TRAPPC3: variants seen among roughly 807,000 people sequenced by gnomAD.
TRAPPC3 encodes the protein trafficking protein particle complex subunit 3.
TRAPPC3 carries 5 observed loss-of-function variants against 18.2 expected under a neutral mutation model. That is an observed-to-expected ratio of 0.28 (90% CI 0.14 to 0.58). The LOEUF is 0.58. Among genes scored for constraint, TRAPPC3 ranks in the 20% least tolerant of loss-of-function variants. TRAPPC3 has a pLI of 0.91. For missense variants in TRAPPC3, 176 were observed against 225.9 expected, an observed-to-expected ratio of 0.78 and a Z score of 1.41; for synonymous variants, 65 against 84.2, an observed-to-expected ratio of 0.77 and a Z score of 1.25.
At chr1:36,140,189 T>G in intron 1 of TRAPPC3, 23 bp from the exon 2 acceptor site, 1 of 1,504,908 alleles carries the variant, frequency 6.6e-7, no homozygotes, top group Non-Finnish European at 9.0e-7. Flanking sequence ...CAAAAGGCAG[T>G]CAGGACCAAG....
At chr1:36,137,643 C>T (rs532662953) in intron 4 of TRAPPC3, 153 bp downstream of exon 4, 351 of 825,908 alleles carry the variant, frequency 4.2e-4, no homozygotes, top group Non-Finnish European at 6.2e-4. Flanking sequence ...TAAAGATGTC[C>T]GACTTGGATC....
At chr1:36,138,560 G>A (rs1644059684) in intron 3 of TRAPPC3, among the ~76,000 whole-genome samples, 1 of 152,120 alleles carries the variant, frequency 6.6e-6, no homozygotes, top group South Asian at 2.1e-4. Flanking sequence ...AAAGTTATGG[G>A]TGCTATGTCA....
At chr1:36,144,063 G>A (rs569631462) in intron 1 of TRAPPC3, among the ~76,000 whole-genome samples, 4 of 151,966 alleles carry the variant, frequency 2.6e-5, no homozygotes, top group South Asian at 2.1e-4. Context: ...CGAGGCGGGC[G>A]GATCACCTGA....
chr1:36,137,688 G>T, intron 4 of TRAPPC3, 108 bp downstream of exon 4: 1 of 1,183,420 alleles, frequency 8.5e-7, no homozygotes, highest in Non-Finnish European at 1.2e-6. Flanking sequence ...AGGCAGTAAA[G>T]CGCTGGGGTG....
At chr1:36,154,595 G>A (rs1644300056) in intron 1 of TRAPPC3, among the ~76,000 whole-genome samples, 1 of 152,072 alleles carries the variant, frequency 6.6e-6, no homozygotes, top group Admixed American at 6.5e-5. Flanking sequence ...TAAGATGACT[G>A]ACACAAAGAT....
Position 36,136,883 on chromosome 1 carries a change from G to A in TRAPPC3, c.*320C>T, listed in dbSNP as rs1644032984. ...GATGTGCCAGGCTTGCCTCTTAATG[G>A]GGTCAAAGTGAGTTTTGCTTTGGAA... On this transcript the variant is annotated 3_prime_UTR_variant, in exon 5 of 5. Coordinates refer to ENST00000373166, the MANE Select transcript of TRAPPC3 (RefSeq NM_014408.5). The A allele has an allele frequency of 5.2e-6, 1 of 191,870 alleles. No homozygotes were observed. Among genetic ancestry groups the A allele is most frequent in the African/African-American group, 2.3e-5 (1 of 42,892 alleles). The allele number at this position is 191,870 out of a possible 1,614,324, so 11.9% of individuals were successfully genotyped here. A position where few individuals can be genotyped will look rare whatever the true frequency, so the allele number is the denominator to read the frequency against.
intron 3 of TRAPPC3, among the ~76,000 whole-genome samples, chr1:36,139,197 TAC>T (rs1644070271): frequency 6.8e-6 from 1 of 146,492 alleles, no homozygotes; most frequent in African/African-American, 2.6e-5. Context: ...CTTGCTCTGT[TAC>T]CCAGGATGGA....
At chr1:36,149,174 C>T (rs1644244450) in intron 1 of TRAPPC3, 163 bp downstream of exon 1, 22 of 1,481,712 alleles carry the variant, frequency 1.5e-5, no homozygotes, top group Non-Finnish European at 2.0e-5. Flanking sequence ...CGACGGTCCC[C>T]TCACCTGCCT....
chr1:36,151,704 C>A (rs1471327904), upstream of TRAPPC3, among the ~76,000 whole-genome samples: 1 of 152,202 alleles, frequency 6.6e-6, no homozygotes, highest in Admixed American at 6.5e-5. Flanking sequence ...ACCCTCCTTA[C>A]CACTTCTAGG....
rs1259740746 is a variant in TRAPPC3 at position 36,149,351 on chromosome 1, C to T, written c.28G>A (p.Glu10Lys). Residue 10 changes from glutamate to lysine, a missense_variant, in exon 1 of 5, where the codon GAG (glutamate) becomes AAG (lysine). Coordinates refer to ENST00000373166, the MANE Select transcript of TRAPPC3 (RefSeq NM_014408.5). Reference sequence around the variant, plus strand: ...CTCCAAGTTACCATTTTCTTGCTCTCGGTGCCACGGTTCGCCTGCCTCGAC... The same window carrying T: ...CTCCAAGTTACCATTTTCTTGCTCTTGGTGCCACGGTTCGCCTGCCTCGAC... MSRQANRGT[E>K]SKKMSSELFT... 3.1e-6 allele frequency: 5 copies of T among 1,613,346 alleles called. No homozygotes were observed. The highest frequency in any genetic ancestry group is 1.7e-6 in the Non-Finnish European group (2 of 1,179,796).
intron 1 of TRAPPC3, among the ~76,000 whole-genome samples, chr1:36,154,569 C>T (rs966183792): frequency 6.6e-6 from 1 of 152,192 alleles, no homozygotes; most frequent in South Asian, 2.1e-4. Flanking sequence ...TCCCCGCAGT[C>T]CCCCCACCCT....
upstream of TRAPPC3, chr1:36,149,504 C>G: frequency 7.9e-7 from 1 of 1,267,790 alleles, no homozygotes; most frequent in Non-Finnish European, 1.1e-6. Flanking sequence ...TGCGCCTGCG[C>G]GGCCTCCCGC....
At chr1:36,138,303 G>C (rs1470335779) in intron 3 of TRAPPC3, 8 of 1,521,506 alleles carry the variant, frequency 5.3e-6, no homozygotes, top group Admixed American at 2.0e-5. Context: ...GGGAGCACTA[G>C]TCTTTCGACA....
intron 1 of TRAPPC3, among the ~76,000 whole-genome samples, chr1:36,148,763 T>C (rs1644236905): frequency 6.6e-6 from 1 of 152,166 alleles, no homozygotes; most frequent in African/African-American, 2.4e-5. Context: ...CCATCTCTTA[T>C]TCCATTGAAT....
At position 36,139,989 on chromosome 1, in the gene TRAPPC3, T is replaced by C. The variant is rs560528823; in HGVS notation, c.140+80A>G. 2.0e-6 allele frequency: 3 copies of C among 1,465,298 alleles called. No homozygotes were observed. The East Asian group carries it at 6.9e-5, about 34-fold the overall frequency. 90.8% of individuals were successfully genotyped at this position (1,465,298 alleles called of 1,614,324 possible). On this transcript the variant is annotated intron_variant, in intron 2 of 4. Coordinates refer to ENST00000373166, the MANE Select transcript of TRAPPC3 (RefSeq NM_014408.5). ...TGGCTAAGAAAGAGAGAGAACCCTG[T>C]TTTAAGCTCTAAAGGACAATGTAGA...
At chr1:36,153,404 C>T (rs946234324), upstream of TRAPPC3, among the ~76,000 whole-genome samples, 4 of 152,170 alleles carry the variant, frequency 2.6e-5, no homozygotes, top group Non-Finnish European at 4.4e-5. Context: ...AGCCATCCTC[C>T]GCACACTCCC....
upstream of TRAPPC3, among the ~76,000 whole-genome samples, chr1:36,151,842 C>G (rs188273507): frequency 4.6e-5 from 7 of 152,278 alleles, no homozygotes; most frequent in Non-Finnish European, 1.0e-4. Flanking sequence ...CCTGGGAACC[C>G]AAAGGGTTGA....
intron 1 of TRAPPC3, among the ~76,000 whole-genome samples, chr1:36,142,750 C>T (rs1013171162): frequency 6.6e-6 from 1 of 152,148 alleles, no homozygotes; most frequent in African/African-American, 2.4e-5. Flanking sequence ...GAAGGGATGG[C>T]CAGGTGCAGT....
intron 1 of TRAPPC3, among the ~76,000 whole-genome samples, chr1:36,143,700 AAAT>A (rs1644150111): frequency 6.6e-6 from 1 of 152,232 alleles, no homozygotes; most frequent in African/African-American, 2.4e-5. Flanking sequence ...TTAGCAGAAC[AAAT>A]ATTATTCATC....
Sources: gnomAD v4.1 joint callset for allele counts (sites outside exome capture counted in the v4.1 genomes callset) on GRCh38, gnomAD v4.1.1 for gene constraint, MANE v1.5 for transcripts, NCBI Gene and HGNC (gene_info 2026-07-23, HGNC 2026-07-21) for gene names.